KAZN: variants seen among roughly 807,000 people sequenced by gnomAD.
The protein encoded by KAZN is kazrin, periplakin interacting protein.
A neutral mutation model predicts 87.4 loss-of-function variants in KAZN; 40 were observed. The observed-to-expected ratio is 0.46, with a 90% CI of 0.36 to 0.60. KAZN has a LOEUF of 0.60. KAZN is among the 20% of genes least tolerant of loss of function. The probability of loss-of-function intolerance (pLI) is 0.00; values close to 1 mark genes in which losing one functional copy is unlikely to be tolerated. For synonymous variants in KAZN, 466 were observed against 458.3 expected (o/e 1.02, Z -0.22); for missense variants, 898 against 1,073.9 (o/e 0.84, Z 2.29).
intron 2 of KAZN, among the ~76,000 whole-genome samples, chr1:15,019,841 T>A (rs770926519): frequency 2.0e-5 from 3 of 152,174 alleles, no homozygotes; most frequent in Non-Finnish European, 4.4e-5. Flanking sequence ...CTGTGGTGAT[T>A]GTTATCATCG....
intron 1 of KAZN, among the ~76,000 whole-genome samples, chr1:14,616,478 A>G (rs1485897427): frequency 6.6e-6 from 1 of 152,144 alleles, no homozygotes; most frequent in Admixed American, 6.5e-5. Flanking sequence ...TTTAGAAAAA[A>G]AAAAAAAGTA....
intron 2 of KAZN, among the ~76,000 whole-genome samples, chr1:14,313,344 C>A (rs781724542): frequency 6.6e-6 from 1 of 152,156 alleles, no homozygotes; most frequent in Non-Finnish European, 1.5e-5. Context: ...CTCACTGGAG[C>A]CTGCCTTCTT....
chr1:14,707,434 G>A (rs1642267734), intron 1 of KAZN, among the ~76,000 whole-genome samples: 1 of 152,206 alleles, frequency 6.6e-6, no homozygotes, highest in African/African-American at 2.4e-5. Context: ...TGTCCCGAGA[G>A]CTGCACCAAG....
rs993382339 is a variant in KAZN, at chr1:14,065,525, C to G, written c.92-114910C>G. The stretch of plus-strand genomic sequence containing the variant: ...TTTCTAAGCACGCATAAGCTACCCA[C>G]TCTTAAACTCGAAAATCTTGGGCCA... On this transcript the variant is annotated intron_variant, in intron 1 of 16. Transcript: ENST00000636203. Among the ~76,000 whole-genome samples, 7 of 151,254 alleles carry G rather than the reference C, an allele frequency of 4.6e-5. No homozygotes were observed. In the South Asian group the frequency reaches 8.4e-4, roughly 18 times the overall value.
At chr1:14,683,464 C>A (rs1180979617) in intron 1 of KAZN, among the ~76,000 whole-genome samples, 1 of 152,118 alleles carries the variant, frequency 6.6e-6, no homozygotes, top group African/African-American at 2.4e-5. Context: ...ATTCTTGGAC[C>A]CTCCAATGAC....
At chr1:14,977,114 G>C (rs1665715175) in intron 2 of KAZN, among the ~76,000 whole-genome samples, 1 of 152,210 alleles carries the variant, frequency 6.6e-6, no homozygotes, top group Non-Finnish European at 1.5e-5. Flanking sequence ...GCATAGGACT[G>C]AAAAGGCCAT....
chr1:14,542,294 T>C (rs1296431517), intron 2 of KAZN, among the ~76,000 whole-genome samples: 1 of 46,208 alleles, frequency 2.2e-5, no homozygotes, highest in African/African-American at 9.3e-5. Flanking sequence ...GGGACTGTTG[T>C]GGGGTGGGGG....
chr1:14,691,393 A>T (rs1416166464), intron 1 of KAZN, among the ~76,000 whole-genome samples: 1 of 152,206 alleles, frequency 6.6e-6, no homozygotes, highest in East Asian at 1.9e-4. Flanking sequence ...ACATATGTTC[A>T]TTTTTCCAGA....
intron 10 of KAZN, among the ~76,000 whole-genome samples, chr1:15,100,313 C>T (rs566295882): frequency 6.6e-6 from 1 of 152,246 alleles, no homozygotes; most frequent in South Asian, 2.1e-4. Context: ...ACAGGGAGGA[C>T]CCACCCAGGA....
At chr1:14,302,686 A>G (rs1046729495) in intron 2 of KAZN, among the ~76,000 whole-genome samples, 1 of 152,188 alleles carries the variant, frequency 6.6e-6, no homozygotes. Flanking sequence ...AGGTTTTATC[A>G]TATTTTCAAA....
chr1:14,720,893 A>AT (rs926178183), intron 1 of KAZN, among the ~76,000 whole-genome samples: 2 of 151,872 alleles, frequency 1.3e-5, no homozygotes, highest in African/African-American at 4.8e-5. Context: ...TTTCCAAGGC[A>AT]TTTTTTTCTG....
chr1:14,817,101 C>A (rs1646590494), intron 1 of KAZN, among the ~76,000 whole-genome samples: 1 of 152,148 alleles, frequency 6.6e-6, no homozygotes, highest in African/African-American at 2.4e-5. Flanking sequence ...TTGTGACAAC[C>A]CTTCCTTCAG....
At chr1:14,399,802 T>C (rs991529799) in intron 2 of KAZN, among the ~76,000 whole-genome samples, 5 of 149,850 alleles carry the variant, frequency 3.3e-5, no homozygotes, top group African/African-American at 1.2e-4. Flanking sequence ...TCCCCGAGGC[T>C]CTACTCATCA....
intron 2 of KAZN, among the ~76,000 whole-genome samples, chr1:14,397,445 C>T (rs1180187425): frequency 6.6e-6 from 1 of 152,160 alleles, no homozygotes; most frequent in Non-Finnish European, 1.5e-5. Flanking sequence ...GTTTCACCCC[C>T]ATTTACCCCC....
chr1:14,046,853 G>A (rs1277964641), intron 1 of KAZN, among the ~76,000 whole-genome samples: 1 of 152,192 alleles, frequency 6.6e-6, no homozygotes, highest in Non-Finnish European at 1.5e-5. Context: ...ATTAACTCCT[G>A]AACAAACATT....
At chr1:14,339,876 C>T (rs187058027) in intron 2 of KAZN, among the ~76,000 whole-genome samples, 1 of 152,096 alleles carries the variant, frequency 6.6e-6, no homozygotes, top group African/African-American at 2.4e-5. Context: ...ACAGCCTTTC[C>T]CCCTTCCCAT....
At chr1:14,994,280 C>G (rs1324983654) in intron 2 of KAZN, among the ~76,000 whole-genome samples, 2 of 152,244 alleles carry the variant, frequency 1.3e-5, no homozygotes, top group Non-Finnish European at 2.9e-5. Flanking sequence ...GCAAGACCAC[C>G]TCCCTCAGCC....
chr1:13,959,645 C>T lies in KAZN; in HGVS notation c.91+65889C>T, dbSNP rs756456279. 2.6e-5 allele frequency among the ~76,000 whole-genome samples: 4 copies of T among 152,164 alleles called. 1 individual carries two copies. The highest frequency in any genetic ancestry group is 4.4e-5 in the Non-Finnish European group (3 of 68,036). On this transcript the variant is annotated intron_variant, in intron 1 of 16. Coordinates refer to the KAZN transcript ENST00000636203. ...TTCCCCATCCTTCTCACCACATGAG[C>T]GCCTATGCATCCTTCAGTTCTCATT...
At chr1:14,070,561 A>G (rs1244554932) in intron 1 of KAZN, among the ~76,000 whole-genome samples, 1 of 152,176 alleles carries the variant, frequency 6.6e-6, no homozygotes, top group African/African-American at 2.4e-5. Context: ...CACTGTAAAA[A>G]AAGTCATTTC....
Sources: allele counts gnomAD v4.1 joint callset (sites outside exome capture counted in the v4.1 genomes callset), GRCh38; gene constraint gnomAD v4.1.1; transcripts MANE v1.5; gene names NCBI Gene and HGNC (gene_info 2026-07-23, HGNC 2026-07-21).